Variants in FRK observed in about 807,000 individuals in gnomAD.
The protein encoded by FRK is tyrosine-protein kinase FRK.
A neutral mutation model predicts 56.4 loss-of-function variants in FRK; 51 were observed. The ratio of observed to expected loss-of-function variants is 0.90; its 90% CI spans 0.72 to 1.14. The LOEUF (loss-of-function observed/expected upper bound fraction) is 1.14, where lower values mean the gene tolerates loss of function less well. Among genes scored for constraint, FRK ranks in the 50% most tolerant of loss-of-function variants. FRK has a pLI of 0.00. For synonymous variants in FRK, 245 were observed against 217.9 expected, an observed-to-expected ratio of 1.12 and a Z score of -1.10; for missense variants, 570 against 601.4, an observed-to-expected ratio of 0.95 and a Z score of 0.55.
Position 115,939,127 on chromosome 6 carries a change from A to G in FRK, c.*3287T>C, listed in dbSNP as rs1772106388. The G allele has an allele frequency of 6.6e-6, 1 of 152,194 alleles. No individual in the cohort carries two copies. Among genetic ancestry groups the G allele is most frequent in the Admixed American group, 6.5e-5 (1 of 15,268 alleles). 9.4% of individuals were successfully genotyped at this position (152,194 alleles called of 1,614,324 possible). On this transcript the variant is annotated 3_prime_UTR_variant, in exon 8 of 8. Coordinates refer to ENST00000606080, the MANE Select transcript of FRK (RefSeq NM_002031.3). ...AACTGAGTGCAGCAGCACATCAAAA[A>G]GCTTATCCACCACGATCAAGTTGGC...
the FRK span, among the ~76,000 whole-genome samples, chr6:116,081,168 G>A: frequency 1.3e-5 from 2 of 152,138 alleles, no homozygotes; most frequent in African/African-American, 2.4e-5. Context: ...ACCTTCCACT[G>A]GGTGCCTCCC....
At chr6:116,096,325 G>A in the FRK span, among the ~76,000 whole-genome samples, 3,365 of 152,288 alleles carry the variant, frequency 0.022, 120 homozygotes, top group African/African-American at 0.071. Flanking sequence ...GAGAGGTGAA[G>A]CCAGCTGTAC....
chr6:116,002,825 T>C, intron 2 of FRK: 1 of 411,876 alleles, frequency 2.4e-6, no homozygotes, highest in Non-Finnish European at 5.0e-6. Flanking sequence ...CTTGCTTCTC[T>C]CCAGCTCCAA....
intron 2 of FRK, among the ~76,000 whole-genome samples, chr6:115,970,973 G>C (rs1421365696): frequency 6.6e-6 from 1 of 151,950 alleles, no homozygotes; most frequent in Non-Finnish European, 1.5e-5. Flanking sequence ...TGATATGAGG[G>C]GTCAGTGACT....
At chr6:116,004,117 ATTACAG>A in intron 1 of FRK, 119 bp from the exon 2 acceptor site, 1 of 843,492 alleles carries the variant, frequency 1.2e-6, no homozygotes, top group Non-Finnish European at 1.8e-6. Context: ...TAGTAAAACT[ATTACAG>A]GTATAAATGG....
Position 116,042,096 on chromosome 6 carries a change from G to T in FRK, c.344+17872C>A, listed in dbSNP as rs1413496567. 4.6e-5 allele frequency among the ~76,000 whole-genome samples: 7 copies of T among 152,148 alleles called. No homozygotes were observed. In the East Asian group the frequency reaches 1.4e-3, roughly 29 times the overall value. On this transcript the variant is annotated intron_variant, in intron 1 of 7. Coordinates refer to ENST00000606080, the MANE Select transcript of FRK (RefSeq NM_002031.3). ...TCCACCATTACTGAGGCTTGAGTAG[G>T]CGGTTTTTCCCTCACAGTGTAAACA...
the FRK span, among the ~76,000 whole-genome samples, chr6:116,068,704 A>G: frequency 1.3e-5 from 2 of 152,180 alleles, no homozygotes; most frequent in Non-Finnish European, 2.9e-5. Flanking sequence ...CAATACTTAC[A>G]GAGCATAATC....
the FRK span, among the ~76,000 whole-genome samples, chr6:116,077,020 A>G: frequency 6.6e-6 from 1 of 152,224 alleles, no homozygotes; most frequent in African/African-American, 2.4e-5. Flanking sequence ...CGAAGTATTC[A>G]TATATCAGAT....
chr6:116,049,285 C>T (rs1481373305), intron 1 of FRK, among the ~76,000 whole-genome samples: 4 of 152,240 alleles, frequency 2.6e-5, no homozygotes, highest in Admixed American at 2.0e-4. Context: ...TGCCATTCCC[C>T]GAATACACTT....
upstream of FRK, among the ~76,000 whole-genome samples, chr6:116,065,552 C>T (rs532171494): frequency 2.0e-5 from 3 of 152,330 alleles, no homozygotes; most frequent in Admixed American, 6.5e-5. Context: ...CATTAACCAT[C>T]TTCCAACTTA....
rs145587534 is a variant in FRK at position 116,036,245 on chromosome 6, C to A, written c.344+23723G>T. 7.8e-4 allele frequency among the ~76,000 whole-genome samples: 118 copies of A among 152,202 alleles called. No homozygotes were observed. In the East Asian group the frequency reaches 0.02, roughly 25 times the overall value. On this transcript the variant is annotated intron_variant, in intron 1 of 7. Coordinates refer to ENST00000606080, the MANE Select transcript of FRK (RefSeq NM_002031.3). ...AATCTTCGAGTAACAGGGATAGTTC[C>A]CTCCACCTCCATCTTTCAGCAGTGT...
In FRK at chr6:116,011,675, T is replaced by C. The variant is rs374779654; in HGVS notation, c.345-7677A>G. Among the ~76,000 whole-genome samples, 11 of 152,302 alleles carry C rather than the reference T, an allele frequency of 7.2e-5. No homozygotes were observed. In the East Asian group the frequency reaches 1.9e-3, roughly 27 times the overall value. The stretch of plus-strand genomic sequence containing the variant: ...CCTCATGAATGTGACTTGGCAGGCA[T>C]CGCTGTCACCCACATTGGCAAAACA... On this transcript the variant is annotated intron_variant, in intron 1 of 7. Transcript: ENST00000606080.
chr6:116,054,084 T>C (rs1011076167), intron 1 of FRK, among the ~76,000 whole-genome samples: 1 of 151,836 alleles, frequency 6.6e-6, no homozygotes, highest in African/African-American at 2.4e-5. Context: ...TGGCAATTTA[T>C]GTAAAAATTT....
At chr6:116,055,106 A>C (rs1003079514) in intron 1 of FRK, among the ~76,000 whole-genome samples, 10 of 152,212 alleles carry the variant, frequency 6.6e-5, no homozygotes, top group Non-Finnish European at 1.5e-4. Context: ...ACGGTGATAT[A>C]GGTGATATAA....
At chr6:116,032,325 A>T (rs746053260) in intron 1 of FRK, among the ~76,000 whole-genome samples, 1 of 152,114 alleles carries the variant, frequency 6.6e-6, no homozygotes, top group Non-Finnish European at 1.5e-5. Flanking sequence ...GAAAAAAGAG[A>T]TGCTTTTCTT....
At chr6:116,010,941 AAGTGACTCT>A (rs1434767804) in intron 1 of FRK, among the ~76,000 whole-genome samples, 1 of 152,178 alleles carries the variant, frequency 6.6e-6, no homozygotes, top group Non-Finnish European at 1.5e-5. Flanking sequence ...GTTTCATCCC[AAGTGACTCT>A]TCTGTCCTGC....
At chr6:115,942,738 A>G in intron 7 of FRK, 113 bp from the exon 8 acceptor site, 1 of 970,086 alleles carries the variant, frequency 1.0e-6, no homozygotes, top group Non-Finnish European at 1.5e-6. Context: ...TTTCTTTGGC[A>G]AAGATTTAAG....
At chr6:116,080,983 G>A in the FRK span, among the ~76,000 whole-genome samples, 6 of 152,198 alleles carry the variant, frequency 3.9e-5, no homozygotes, top group Non-Finnish European at 4.4e-5. Flanking sequence ...CAGCATGGCT[G>A]GGGAGGCCTC....
At chr6:115,944,207 C>G in intron 6 of FRK, 37 bp downstream of exon 6, 1 of 1,537,140 alleles carries the variant, frequency 6.5e-7, no homozygotes, top group Non-Finnish European at 8.9e-7. Flanking sequence ...GACTTTTGAC[C>G]TATTACAAAA....
Sources: gnomAD v4.1 joint callset for allele counts (sites outside exome capture counted in the v4.1 genomes callset) on GRCh38, gnomAD v4.1.1 for gene constraint, MANE v1.5 for transcripts, NCBI Gene and HGNC (gene_info 2026-07-23, HGNC 2026-07-21) for gene names.